Variants in SLIT3 observed in about 807,000 individuals in gnomAD.
SLIT3 encodes the protein slit guidance ligand 3.
SLIT3 carries 68 observed loss-of-function variants against 184.0 expected under a neutral mutation model. The ratio of observed to expected loss-of-function variants is 0.37; its 90% confidence interval spans 0.30 to 0.45. SLIT3 has a LOEUF of 0.45. SLIT3 is among the 20% of genes least tolerant of loss of function. SLIT3 has a pLI of 1.00. For missense variants in SLIT3, 1,707 were observed against 2,026.0 expected (o/e 0.84, Z 3.02); for synonymous variants, 831 against 828.6 (o/e 1.00, Z -0.05).
intron 4 of SLIT3, among the ~76,000 whole-genome samples, chr5:169,131,731 T>G (rs1232479457): frequency 6.6e-6 from 1 of 152,240 alleles, no homozygotes; most frequent in African/African-American, 2.4e-5. Flanking sequence ...GTGGCTTAGC[T>G]ATGCCTAAAC....
chr5:168,878,446 T>A (rs1287417012), intron 5 of SLIT3, among the ~76,000 whole-genome samples: 3 of 152,190 alleles, frequency 2.0e-5, no homozygotes, highest in Non-Finnish European at 4.4e-5. Flanking sequence ...GTTGCATGCT[T>A]GCCTACTTGC....
intron 29 of SLIT3, among the ~76,000 whole-genome samples, chr5:168,690,305 T>G (rs1249578192): frequency 6.6e-6 from 1 of 152,120 alleles, no homozygotes; most frequent in Non-Finnish European, 1.5e-5. Context: ...TGGCTAATTT[T>G]TGTATTTTCA....
chr5:168,724,485 C>A lies in SLIT3; in HGVS notation c.2271-1G>T. Reference sequence around the variant, plus strand: ...TGTTAGGTGGTTTCCTTCCAGGTACCTGAAAGAGGTGTGGAGAGACAACAC... The same window carrying A: ...TGTTAGGTGGTTTCCTTCCAGGTACATGAAAGAGGTGTGGAGAGACAACAC... On this transcript the variant is annotated splice_acceptor_variant, in intron 20 of 35. Coordinates refer to ENST00000519560, the MANE Select transcript of SLIT3 (RefSeq NM_003062.4). LOFTEE classifies it high-confidence loss of function. The A allele has an allele frequency of 1.2e-6, 2 of 1,612,480 alleles. No homozygotes were observed. The highest frequency in any genetic ancestry group is 1.7e-6 in the Non-Finnish European group (2 of 1,179,062).
At chr5:168,830,409 A>G (rs1757842404) in intron 6 of SLIT3, among the ~76,000 whole-genome samples, 1 of 152,206 alleles carries the variant, frequency 6.6e-6, no homozygotes, top group South Asian at 2.1e-4. Context: ...TCCAGAAACC[A>G]GGAATAAGAA....
chr5:169,193,780 G>A (rs975554257), intron 3 of SLIT3, among the ~76,000 whole-genome samples: 1 of 152,170 alleles, frequency 6.6e-6, no homozygotes, highest in South Asian at 2.1e-4. Flanking sequence ...TACAGCACAT[G>A]CGCTGTGCTG....
intron 6 of SLIT3, among the ~76,000 whole-genome samples, chr5:168,829,748 T>G (rs1757819919): frequency 6.6e-6 from 1 of 152,200 alleles, no homozygotes; most frequent in African/African-American, 2.4e-5. Context: ...ACCAGACTCC[T>G]TTCCTGAAGA....
At chr5:168,835,721 G>C (rs567824486) in intron 6 of SLIT3, among the ~76,000 whole-genome samples, 1 of 151,740 alleles carries the variant, frequency 6.6e-6, no homozygotes, top group Admixed American at 6.6e-5. Context: ...TGAGACAAGA[G>C]AGTTGCTTGA....
At chr5:168,855,297 G>C (rs1167943193) in intron 5 of SLIT3, among the ~76,000 whole-genome samples, 1 of 152,210 alleles carries the variant, frequency 6.6e-6, no homozygotes, top group African/African-American at 2.4e-5. Flanking sequence ...AGCTGCTGTG[G>C]AAAACAGTTT....
intron 6 of SLIT3, among the ~76,000 whole-genome samples, chr5:168,831,268 A>C (rs574805669): frequency 2.6e-5 from 4 of 151,540 alleles, no homozygotes; most frequent in African/African-American, 9.7e-5. Context: ...ATGGGTCTCC[A>C]AGGGCATATG....
rs193143108 is a variant in SLIT3 at position 169,214,260 on chromosome 5, G to A, written c.342-20710C>T. Reference sequence around the variant, plus strand: ...ACCCGCTTCATGGAGAGCCCATCAAGGGGGAAAGAAGATGTCCCATGCAGA... The same window carrying A: ...ACCCGCTTCATGGAGAGCCCATCAAAGGGGAAAGAAGATGTCCCATGCAGA... On this transcript the variant is annotated intron_variant, in intron 3 of 35. Coordinates refer to ENST00000519560, the MANE Select transcript of SLIT3 (RefSeq NM_003062.4). 3.9e-5 allele frequency among the ~76,000 whole-genome samples: 6 copies of A among 152,352 alleles called. No individual in the cohort carries two copies. The East Asian group carries it at 1.2e-3, about 29-fold the overall frequency.
Position 168,753,007 on chromosome 5 carries a change from T to TCCGATTG in SLIT3, c.1914_1920dup (p.Ile641GlnfsTer51). ...AAGGCCCCAGGGGTGATGGTGGTGA[T>TCCGATTG]CCGATTGTCATAGAGGGACAGCAGT... On this transcript the variant is annotated frameshift_variant, in exon 18 of 36. Transcript: ENST00000519560. LOFTEE classifies it high-confidence loss of function. 6.2e-7 allele frequency: 1 copy of TCCGATTG among 1,613,902 alleles called. No homozygotes were observed. The highest frequency in any genetic ancestry group is 8.5e-7 in the Non-Finnish European group (1 of 1,179,980).
chr5:169,287,024 A>G (rs1442471335), intron 1 of SLIT3, among the ~76,000 whole-genome samples: 2 of 152,230 alleles, frequency 1.3e-5, no homozygotes, highest in East Asian at 3.8e-4. Context: ...GGCACACGGC[A>G]GGGGGAAGCT....
At chr5:168,731,333 C>T (rs1262297122) in intron 20 of SLIT3, among the ~76,000 whole-genome samples, 2 of 151,800 alleles carry the variant, frequency 1.3e-5, no homozygotes, top group Admixed American at 1.3e-4. Flanking sequence ...AAGCCCAGGA[C>T]CATAAATCCA....
At chr5:169,157,634 C>T (rs534072911) in intron 4 of SLIT3, among the ~76,000 whole-genome samples, 2 of 152,252 alleles carry the variant, frequency 1.3e-5, no homozygotes, top group South Asian at 4.1e-4. Flanking sequence ...CAACATAATA[C>T]TCAAAATGTC....
chr5:169,207,411 ACACACG>A (rs1346525593), intron 3 of SLIT3, among the ~76,000 whole-genome samples: 1 of 148,466 alleles, frequency 6.7e-6, no homozygotes, highest in Non-Finnish European at 1.5e-5. Context: ...ACACACACAC[ACACACG>A]GCACCAAGTC....
intron 20 of SLIT3, among the ~76,000 whole-genome samples, chr5:168,732,477 A>G (rs1763315600): frequency 1.3e-5 from 2 of 152,126 alleles, no homozygotes. Context: ...AAATCCTAAA[A>G]TTCATATTCA....
At chr5:168,851,440 C>G (rs1374546805) in intron 5 of SLIT3, among the ~76,000 whole-genome samples, 2 of 151,202 alleles carry the variant, frequency 1.3e-5, no homozygotes, top group Admixed American at 1.3e-4. Flanking sequence ...ACAACAATAA[C>G]AAAACAAACA....
chr5:168,889,658 A>C (rs763961690), intron 4 of SLIT3, among the ~76,000 whole-genome samples: 2 of 152,230 alleles, frequency 1.3e-5, no homozygotes, highest in African/African-American at 4.8e-5. Flanking sequence ...ATTAAGTGTC[A>C]GCTCAGATGC....
intron 4 of SLIT3, among the ~76,000 whole-genome samples, chr5:169,096,085 C>T (rs1759768387): frequency 6.6e-6 from 1 of 152,220 alleles, no homozygotes; most frequent in African/African-American, 2.4e-5. Context: ...ATTACATATG[C>T]ACTGTGAGAA....
Sources: allele counts gnomAD v4.1 joint callset (sites outside exome capture counted in the v4.1 genomes callset), GRCh38; gene constraint gnomAD v4.1.1; transcripts MANE v1.5; gene names NCBI Gene and HGNC (gene_info 2026-07-23, HGNC 2026-07-21).